Variants in VTI1A observed in about 807,000 individuals in gnomAD.
VTI1A encodes the protein vesicle transport through interaction with t-SNAREs homolog 1A.
Under a neutral mutation model 34.9 loss-of-function variants are expected in VTI1A, and 22 were observed. The ratio of observed to expected loss-of-function variants is 0.63; its 90% CI spans 0.45 to 0.90. VTI1A has a LOEUF of 0.90. Among genes scored for constraint, VTI1A ranks in the 40% least tolerant of loss-of-function variants. The pLI, the probability that VTI1A is intolerant of heterozygous loss-of-function variation, is 0.00. For missense variants in VTI1A, 268 were observed against 275.6 expected, an observed-to-expected ratio of 0.97 and a Z score of 0.20; for synonymous variants, 87 against 97.3, an observed-to-expected ratio of 0.89 and a Z score of 0.62.
At chr10:112,610,405 G>A (rs927991565) in intron 5 of VTI1A, among the ~76,000 whole-genome samples, 24 of 152,058 alleles carry the variant, frequency 1.6e-4, no homozygotes, top group Admixed American at 4.6e-4. Flanking sequence ...CAAGCAAAAT[G>A]TGGCATAAAG....
chr10:112,780,317 T>TAAATA (rs1564922530), intron 7 of VTI1A, among the ~76,000 whole-genome samples: 1 of 113,964 alleles, frequency 8.8e-6, no homozygotes, highest in African/African-American at 2.9e-5. Flanking sequence ...AATAAATAAA[T>TAAATA]AAATAAAATA....
intron 5 of VTI1A, among the ~76,000 whole-genome samples, chr10:112,549,272 AT>A (rs1851255632): frequency 6.6e-6 from 1 of 152,186 alleles, no homozygotes; most frequent in Admixed American, 6.5e-5. Flanking sequence ...TAAATGTTAT[AT>A]TTCACTTATT....
intron 7 of VTI1A, among the ~76,000 whole-genome samples, chr10:112,736,138 T>C (rs1026285419): frequency 4.8e-5 from 7 of 146,150 alleles, no homozygotes; most frequent in African/African-American, 7.5e-5. Flanking sequence ...TATATATATA[T>C]GTAAATGTAT....
At chr10:112,610,316 TA>T (rs1845249360) in intron 5 of VTI1A, among the ~76,000 whole-genome samples, 1 of 152,020 alleles carries the variant, frequency 6.6e-6, no homozygotes, top group South Asian at 2.1e-4. Context: ...TTGCCCTAGG[TA>T]AAAGCCCCCA....
At chr10:112,512,138 A>G (rs1344677366) in intron 3 of VTI1A, among the ~76,000 whole-genome samples, 3 of 152,164 alleles carry the variant, frequency 2.0e-5, no homozygotes, top group Non-Finnish European at 4.4e-5. Flanking sequence ...AGAAATCTCC[A>G]TACTGTTTTT....
intron 7 of VTI1A, among the ~76,000 whole-genome samples, chr10:112,808,487 G>A (rs975451017): frequency 3.6e-4 from 55 of 151,964 alleles, no homozygotes; most frequent in African/African-American, 1.0e-3. Flanking sequence ...TCAGCTGGGC[G>A]TGGTGGCAGC....
chr10:112,474,198 A>C (rs571848826), intron 3 of VTI1A, among the ~76,000 whole-genome samples: 6 of 151,958 alleles, frequency 3.9e-5, no homozygotes, highest in African/African-American at 1.4e-4. Flanking sequence ...AGTAGCTGGG[A>C]CCACAGGTGC....
intron 2 of VTI1A, among the ~76,000 whole-genome samples, chr10:112,463,177 G>A (rs1448869750): frequency 6.6e-6 from 1 of 151,990 alleles, no homozygotes; most frequent in East Asian, 1.9e-4. Context: ...TACCTGCCTC[G>A]GCCTCCCGAA....
At chr10:112,841,713 G>A in the VTI1A span, among the ~76,000 whole-genome samples, 5 of 152,194 alleles carry the variant, frequency 3.3e-5, no homozygotes, top group African/African-American at 7.2e-5. Context: ...AGCACCAGAT[G>A]TGGGGTGCGG....
chr10:112,805,838 C>T (rs1564932463), intron 7 of VTI1A, among the ~76,000 whole-genome samples: 1 of 152,122 alleles, frequency 6.6e-6, no homozygotes, highest in Non-Finnish European at 1.5e-5. Flanking sequence ...CCAACCCTGC[C>T]GACACCTTGA....
downstream of VTI1A, among the ~76,000 whole-genome samples, chr10:112,821,397 C>G (rs868644504): frequency 3.9e-5 from 6 of 152,334 alleles, no homozygotes; most frequent in South Asian, 1.2e-3. Context: ...CCCAGGCCCT[C>G]TCCAGCTCAG....
In VTI1A at chr10:112,795,563, T is replaced by C. The variant is rs1852645988; in HGVS notation, c.561-19727T>C. On this transcript the variant is annotated intron_variant, in intron 7 of 7. Transcript: ENST00000393077. ...AATTCTTCTGCCTCAGCTTCCCAAG[T>C]AGCTGAGACTACAGACATGTGCCAG... Among the ~76,000 whole-genome samples the C allele has an allele frequency of 2.6e-5, 4 of 151,898 alleles. No homozygotes were observed. The South Asian group carries it at 6.2e-4, about 24-fold the overall frequency.
At chr10:112,528,848 G>A (rs1256069381) in intron 4 of VTI1A, among the ~76,000 whole-genome samples, 8 of 152,106 alleles carry the variant, frequency 5.3e-5, no homozygotes, top group Admixed American at 5.2e-4. Flanking sequence ...AATGGATGTT[G>A]TAGTTCTATG....
chr10:112,830,147 C>T, the VTI1A span, among the ~76,000 whole-genome samples: 1,168 of 152,254 alleles, frequency 7.7e-3, 5 homozygotes, highest in Non-Finnish European at 0.012. Flanking sequence ...TGTCCAAGCT[C>T]ACAATAGCCA....
intron 7 of VTI1A, among the ~76,000 whole-genome samples, chr10:112,806,093 G>C (rs1052564150): frequency 1.3e-5 from 2 of 152,050 alleles, no homozygotes; most frequent in Non-Finnish European, 2.9e-5. Context: ...AGTGGATGTG[G>C]CTCCTCAGTT....
the VTI1A span, among the ~76,000 whole-genome samples, chr10:112,838,128 C>T: frequency 6.6e-6 from 1 of 152,238 alleles, no homozygotes; most frequent in Non-Finnish European, 1.5e-5. Flanking sequence ...TCTCCCTCTG[C>T]CCACGTGGCC....
intron 3 of VTI1A, among the ~76,000 whole-genome samples, chr10:112,480,519 T>TGTGTGC (rs1848426613): frequency 1.3e-5 from 2 of 152,074 alleles, no homozygotes; most frequent in Admixed American, 1.3e-4. Flanking sequence ...CATATGTGTG[T>TGTGTGC]GTGTGCATGT....
At chr10:112,627,180 T>A (rs1405595377) in intron 5 of VTI1A, among the ~76,000 whole-genome samples, 2 of 152,182 alleles carry the variant, frequency 1.3e-5, no homozygotes, top group Non-Finnish European at 2.9e-5. Context: ...CCAACCCTAT[T>A]CAGAATCTCT....
At chr10:112,787,705 T>C (rs1258676886) in intron 7 of VTI1A, among the ~76,000 whole-genome samples, 7 of 136,338 alleles carry the variant, frequency 5.1e-5, no homozygotes, top group African/African-American at 1.6e-4. Context: ...TTTCTTTTTT[T>C]TTTTTTTTTT....
Sources: allele counts gnomAD v4.1 joint callset (sites outside exome capture counted in the v4.1 genomes callset), GRCh38; gene constraint gnomAD v4.1.1; transcripts MANE v1.5; gene names NCBI Gene and HGNC (gene_info 2026-07-23, HGNC 2026-07-21).